The following GATAD2A variants were observed in gnomAD, a reference collection of about 807,000 sequenced individuals.
GATAD2A encodes the protein transcriptional repressor p66-alpha.
Under a neutral mutation model 68.5 loss-of-function variants are expected in GATAD2A, and 12 were observed. That is an observed-to-expected ratio of 0.18 (90% CI 0.11 to 0.28). GATAD2A has a LOEUF of 0.28. Among genes scored for constraint, GATAD2A ranks in the 10% least tolerant of loss-of-function variants. GATAD2A has a pLI of 1.00. For missense variants in GATAD2A, 755 were observed against 868.5 expected, an observed-to-expected ratio of 0.87 and a Z score of 1.64; for synonymous variants, 410 against 375.3, an observed-to-expected ratio of 1.09 and a Z score of -1.07.
At chr19:19,475,762 C>A (rs1390603311) in intron 2 of GATAD2A, among the ~76,000 whole-genome samples, 1 of 152,208 alleles carries the variant, frequency 6.6e-6, no homozygotes, top group African/African-American at 2.4e-5. Flanking sequence ...TCTGTCTCCT[C>A]CTTGTTCTCT....
At chr19:19,469,698 G>A (rs976365305) in intron 2 of GATAD2A, among the ~76,000 whole-genome samples, 1 of 152,184 alleles carries the variant, frequency 6.6e-6, no homozygotes, top group Non-Finnish European at 1.5e-5. Context: ...TGTAATGCCA[G>A]CACTTTGGGA....
chr19:19,421,814 C>A (rs76713950), intron 1 of GATAD2A, among the ~76,000 whole-genome samples: 1 of 146,684 alleles, frequency 6.8e-6, no homozygotes, highest in Non-Finnish European at 1.5e-5. Context: ...CCTTCTCTCT[C>A]TTTTTTTTTT....
At chr19:19,452,909 C>G (rs768642969) in intron 1 of GATAD2A, among the ~76,000 whole-genome samples, 3 of 152,170 alleles carry the variant, frequency 2.0e-5, no homozygotes, top group Non-Finnish European at 2.9e-5. Context: ...TGCGTCCCCT[C>G]AAAACCAGGT....
At chr19:19,500,957 C>T (rs1235512015) in intron 8 of GATAD2A, among the ~76,000 whole-genome samples, 161 bp from the exon 9 acceptor site, 3 of 152,230 alleles carry the variant, frequency 2.0e-5, no homozygotes, top group African/African-American at 7.2e-5. Context: ...AGCTGTTCGG[C>T]GTTGGCCGGC....
In GATAD2A at chr19:19,482,620, A is replaced by G. The variant is rs143154101; in HGVS notation, c.270-9686A>G. ...GCCCTCCCTTAAGATTGTTCCCTGT[A>G]CTGGGAACTGGGGGTAATGATGGAG... On this transcript the variant is annotated intron_variant, in intron 2 of 11. Transcript: ENST00000683918. Among the ~76,000 whole-genome samples, 405 of 152,204 alleles carry G rather than the reference A, an allele frequency of 2.7e-3. 4 individuals are homozygous for G. The highest frequency in any genetic ancestry group is 9.1e-3 in the African/African-American group (380 of 41,532).
intron 1 of GATAD2A, among the ~76,000 whole-genome samples, chr19:19,388,057 C>CTTTTTTTTT (rs1568686046): frequency 7.9e-5 from 10 of 126,010 alleles, no homozygotes; most frequent in South Asian, 4.5e-4. Context: ...AGCTTCTCCT[C>CTTTTTTTTT]CTTTTTTTTT....
chr19:19,473,247 C>T (rs1041116813), intron 2 of GATAD2A, among the ~76,000 whole-genome samples: 1 of 152,198 alleles, frequency 6.6e-6, no homozygotes, highest in Admixed American at 6.5e-5. Context: ...CAAAGGCCTG[C>T]CCCATGGTCT....
chr19:19,423,207 G>A (rs1018988849), intron 1 of GATAD2A, among the ~76,000 whole-genome samples: 4 of 152,276 alleles, frequency 2.6e-5, no homozygotes, highest in African/African-American at 9.6e-5. Flanking sequence ...GAGTCCCATT[G>A]TATTGCCTAG....
intron 1 of GATAD2A, among the ~76,000 whole-genome samples, chr19:19,449,873 G>T (rs541949757): frequency 5.9e-5 from 9 of 152,334 alleles, no homozygotes; most frequent in Middle Eastern, 3.4e-3. Context: ...ACATGAGATT[G>T]TAAGTGCATT....
At chr19:19,439,910 C>T (rs1004690247) in intron 1 of GATAD2A, among the ~76,000 whole-genome samples, 2 of 152,146 alleles carry the variant, frequency 1.3e-5, no homozygotes, top group Non-Finnish European at 2.9e-5. Context: ...TTTGCTCCAG[C>T]AAATCCACTT....
intron 1 of GATAD2A, among the ~76,000 whole-genome samples, chr19:19,392,102 T>G (rs2048882215): frequency 7.0e-6 from 1 of 143,294 alleles, no homozygotes; most frequent in Admixed American, 7.1e-5. Flanking sequence ...TTTTTTTTTT[T>G]GAGACAGAGT....
At chr19:19,490,099 G>A (rs2059685304) in intron 2 of GATAD2A, among the ~76,000 whole-genome samples, 1 of 152,218 alleles carries the variant, frequency 6.6e-6, no homozygotes, top group African/African-American at 2.4e-5. Context: ...GCTTCAGAAT[G>A]TGGGCTGATA....
intron 7 of GATAD2A, 65 bp downstream of exon 7, chr19:19,496,284 C>T (rs1396771014): frequency 2.1e-6 from 3 of 1,450,604 alleles, no homozygotes; most frequent in Non-Finnish European, 2.9e-6. Flanking sequence ...TCCCCTTGGA[C>T]CCAGGTTCTG....
chr19:19,429,161 A>G, intron 1 of GATAD2A: 1 of 984,712 alleles, frequency 1.0e-6, no homozygotes, highest in Non-Finnish European at 1.2e-6. Context: ...CCTTGTGTCC[A>G]TGGAGCATGG....
intron 1 of GATAD2A, among the ~76,000 whole-genome samples, chr19:19,390,619 A>T (rs1237306890): frequency 1.4e-4 from 22 of 152,172 alleles, no homozygotes; most frequent in Non-Finnish European, 5.9e-5. Context: ...TTTGTGAATT[A>T]AGGGCAAGTA....
intron 1 of GATAD2A, among the ~76,000 whole-genome samples, chr19:19,388,627 C>A (rs1214509378): frequency 6.6e-6 from 1 of 151,832 alleles, no homozygotes; most frequent in Non-Finnish European, 1.5e-5. Context: ...AGCCGTGAGG[C>A]CATCACAGTG....
chr19:19,420,229 G>A (rs1343369704), intron 1 of GATAD2A, among the ~76,000 whole-genome samples: 1 of 140,626 alleles, frequency 7.1e-6, no homozygotes, highest in Non-Finnish European at 1.5e-5. Context: ...CACCATGTTG[G>A]CCAGGCTGGT....
chr19:19,486,707 C>G (rs975537447), intron 2 of GATAD2A, among the ~76,000 whole-genome samples: 1 of 152,166 alleles, frequency 6.6e-6, no homozygotes, highest in Non-Finnish European at 1.5e-5. Context: ...TCACTGTTCC[C>G]GAGGCCTGAG....
intron 1 of GATAD2A, among the ~76,000 whole-genome samples, chr19:19,387,246 G>A (rs1348509819): frequency 6.6e-6 from 1 of 151,468 alleles, no homozygotes; most frequent in Non-Finnish European, 1.5e-5. Flanking sequence ...CTTCTCGGAG[G>A]AAGCCTTGCC....
Sources: gnomAD v4.1 joint callset for allele counts (sites outside exome capture counted in the v4.1 genomes callset) on GRCh38, gnomAD v4.1.1 for gene constraint, MANE v1.5 for transcripts, NCBI Gene and HGNC (gene_info 2026-07-23, HGNC 2026-07-21) for gene names.